CSMD1: variants seen among roughly 807,000 people sequenced by gnomAD.
CSMD1 encodes the protein CUB and Sushi multiple domains 1, also known as CUB and sushi domain-containing protein 1.
Under a neutral mutation model 417.5 loss-of-function variants are expected in CSMD1, and 213 were observed. The observed-to-expected ratio is 0.51, with a 90% CI of 0.46 to 0.57. The LOEUF is 0.57. Among genes scored for constraint, CSMD1 ranks in the 20% least tolerant of loss-of-function variants. The probability of loss-of-function intolerance (pLI) is 0.00; values close to 1 mark genes in which losing one functional copy is unlikely to be tolerated. For missense variants in CSMD1, 6,923 were observed against 4,529.7 expected, an observed-to-expected ratio of 1.53 and a Z score of -15.17; for synonymous variants, 2,862 against 1,736.8, an observed-to-expected ratio of 1.65 and a Z score of -16.11.
At chr8:4,363,273 A>C (rs1801879306) in intron 3 of CSMD1, among the ~76,000 whole-genome samples, 1 of 152,184 alleles carries the variant, frequency 6.6e-6, no homozygotes, top group Non-Finnish European at 1.5e-5. Flanking sequence ...CCCTTAAAGG[A>C]GCCTTTTCAA....
chr8:3,616,869 T>C lies in CSMD1; in HGVS notation c.1010-72A>G, dbSNP rs1263393184. ...AAATACCCAGATAAAAAATTTATTC[T>C]AGGCATTTTCAGTTCTTTAATGATA... is the stretch of plus-strand genomic sequence containing the variant. On this transcript the variant is annotated intron_variant, in intron 7 of 69. Coordinates refer to ENST00000635120, the MANE Select transcript of CSMD1 (RefSeq NM_033225.6). 8 of 1,079,754 alleles carry C rather than the reference T, an allele frequency of 7.4e-6. No homozygotes were observed. The South Asian group carries it at 1.0e-4, about 14-fold the overall frequency. The allele number at this position is 1,079,754 out of a possible 1,614,324, so 66.9% of individuals were successfully genotyped here.
At chr8:3,607,611 G>C (rs1801681742) in intron 8 of CSMD1, among the ~76,000 whole-genome samples, 2 of 152,188 alleles carry the variant, frequency 1.3e-5, no homozygotes, top group African/African-American at 4.8e-5. Context: ...AAATCTTTCA[G>C]CTCCATTAAA....
chr8:3,350,694 G>C (rs987097420), intron 21 of CSMD1, among the ~76,000 whole-genome samples: 1 of 151,992 alleles, frequency 6.6e-6, no homozygotes, highest in Non-Finnish European at 1.5e-5. Context: ...TATTACATTA[G>C]CATTTAGGAC....
In CSMD1 at chr8:4,462,570, ATACC is replaced by A. The variant is rs1299398706; in HGVS notation, c.303-42509_303-42506del. Among the ~76,000 whole-genome samples, 7 of 152,286 alleles carry A rather than the reference ATACC, an allele frequency of 4.6e-5. No individual in the cohort carries two copies. The South Asian group carries it at 1.5e-3, about 32-fold the overall frequency. ...TTAAAAAAGAAAAATTTCAATATTC[ATACC>A]TACCTGATTCAGCACTTTCTAGGAA... On this transcript the variant is annotated intron_variant, in intron 2 of 69. Coordinates refer to ENST00000635120, the MANE Select transcript of CSMD1 (RefSeq NM_033225.6).
intron 6 of CSMD1, among the ~76,000 whole-genome samples, chr8:3,740,861 G>A (rs985486644): frequency 6.6e-6 from 1 of 152,100 alleles, no homozygotes; most frequent in African/African-American, 2.4e-5. Flanking sequence ...ATAGCAGAGA[G>A]GATGAGGCAG....
At chr8:4,131,985 C>G (rs904705019) in intron 3 of CSMD1, among the ~76,000 whole-genome samples, 1 of 151,842 alleles carries the variant, frequency 6.6e-6, no homozygotes, top group Non-Finnish European at 1.5e-5. Context: ...AGGATGGTCT[C>G]GATCTCCTGA....
At chr8:3,364,093 C>A (rs556150597) in intron 20 of CSMD1, among the ~76,000 whole-genome samples, 1 of 152,074 alleles carries the variant, frequency 6.6e-6, no homozygotes, top group Non-Finnish European at 1.5e-5. Flanking sequence ...TTATGATAAA[C>A]CACAAAGTCT....
intron 3 of CSMD1, among the ~76,000 whole-genome samples, chr8:4,343,339 G>C (rs116484686): frequency 2.0e-5 from 3 of 151,950 alleles, no homozygotes; most frequent in Non-Finnish European, 4.4e-5. Flanking sequence ...AATACATTCC[G>C]GAGATCTAAT....
At chr8:3,433,957 T>C (rs28539907) in intron 12 of CSMD1, among the ~76,000 whole-genome samples, 1 of 151,968 alleles carries the variant, frequency 6.6e-6, no homozygotes, top group Non-Finnish European at 1.5e-5. Flanking sequence ...CAGGCAAGAC[T>C]CCCCTCTGGA....
chr8:3,106,553 A>T lies in CSMD1; in HGVS notation c.6924T>A (p.Phe2308Leu), dbSNP rs1164781493. 6.2e-7 allele frequency: 1 copy of T among 1,613,792 alleles called. No individual in the cohort carries two copies. ...LTCKLSSQLQFEGSLPTCEAQ... is the reference protein window; with the variant it reads ...LTCKLSSQLQLEGSLPTCEAQ... ...CTTCACATGTTGGGAGAGAACCCTC[A>T]AACTGCAACTGGGAACTGAGCTTGC... Residue 2308 changes from phenylalanine (F) to leucine (L), a missense_variant, in exon 46 of 70, where the codon TTT becomes TTA. Physicochemically the swap from Phe to Leu is conservative, Grantham distance 22. Coordinates refer to ENST00000635120, the MANE Select transcript of CSMD1 (RefSeq NM_033225.6).
chr8:4,454,971 G>C (rs577339440), intron 2 of CSMD1, among the ~76,000 whole-genome samples: 2 of 152,238 alleles, frequency 1.3e-5, no homozygotes, highest in East Asian at 1.9e-4. Context: ...TCATGGACCT[G>C]GGATGGCAGA....
At chr8:4,126,813 G>T (rs953711198) in intron 3 of CSMD1, among the ~76,000 whole-genome samples, 2 of 152,164 alleles carry the variant, frequency 1.3e-5, no homozygotes, top group African/African-American at 2.4e-5. Context: ...GTCCTAACCT[G>T]GGGTAGGAGA....
chr8:4,206,148 G>T (rs1024438917), intron 3 of CSMD1, among the ~76,000 whole-genome samples: 1 of 152,032 alleles, frequency 6.6e-6, no homozygotes, highest in East Asian at 1.9e-4. Context: ...CTTTTCCCTG[G>T]CTATTATTCA....
At chr8:3,335,325 A>C (rs1044185446) in intron 23 of CSMD1, among the ~76,000 whole-genome samples, 1 of 152,148 alleles carries the variant, frequency 6.6e-6, no homozygotes, top group Non-Finnish European at 1.5e-5. Flanking sequence ...TTTCCCCTCC[A>C]TCACACACAG....
chr8:3,779,986 T>A lies in CSMD1; in HGVS notation c.819-25944A>T, dbSNP rs760811888. Reference sequence around the variant, plus strand: ...TTAAATCAACCAAAAGAATGTGAACTTCCAAGCTCCTTTTCCTAAATACAA... The same window carrying A: ...TTAAATCAACCAAAAGAATGTGAACATCCAAGCTCCTTTTCCTAAATACAA... On this transcript the variant is annotated intron_variant, in intron 5 of 69. Coordinates refer to ENST00000635120, the MANE Select transcript of CSMD1 (RefSeq NM_033225.6). 1.1e-4 allele frequency among the ~76,000 whole-genome samples: 17 copies of A among 152,320 alleles called. 1 individual carries two copies. The highest frequency in any genetic ancestry group is 6.8e-3 in the Middle Eastern group (2 of 294).
intron 3 of CSMD1, among the ~76,000 whole-genome samples, chr8:4,195,410 C>T (rs1799273915): frequency 6.6e-6 from 1 of 152,152 alleles, no homozygotes; most frequent in Admixed American, 6.5e-5. Flanking sequence ...GTTTGACCCA[C>T]CGATGCAAGA....
chr8:3,926,411 G>A (rs1261874720), intron 5 of CSMD1, among the ~76,000 whole-genome samples: 2 of 149,452 alleles, frequency 1.3e-5, no homozygotes, highest in Admixed American at 1.3e-4. Flanking sequence ...CTTTTGTTGA[G>A]ATATTACCAG....
At chr8:3,401,231 G>T (rs886517236) in intron 15 of CSMD1, among the ~76,000 whole-genome samples, 3 of 151,936 alleles carry the variant, frequency 2.0e-5, no homozygotes, top group African/African-American at 7.3e-5. Context: ...TGATAGTTGA[G>T]CAATTTCTAA....
At chr8:3,242,005 G>A (rs186945121) in intron 26 of CSMD1, among the ~76,000 whole-genome samples, 19 of 75,876 alleles carry the variant, frequency 2.5e-4, no homozygotes, top group African/African-American at 6.3e-4. Context: ...GCTGTAAAGC[G>A]TCTCAGGTTT....
Sources: gnomAD v4.1 joint callset for allele counts (sites outside exome capture counted in the v4.1 genomes callset) on GRCh38, gnomAD v4.1.1 for gene constraint, MANE v1.5 for transcripts, NCBI Gene and HGNC (gene_info 2026-07-23, HGNC 2026-07-21) for gene names.